Variants in NCK2 observed in about 807,000 individuals in gnomAD.
The protein encoded by NCK2 is cytoplasmic protein NCK2.
A neutral mutation model predicts 33.9 loss-of-function variants in NCK2; 16 were observed. The observed-to-expected ratio is 0.47, with a 90% CI of 0.32 to 0.72. The LOEUF (loss-of-function observed/expected upper bound fraction) is 0.72, where lower values mean the gene tolerates loss of function less well. Among genes scored for constraint, NCK2 ranks in the 30% least tolerant of loss-of-function variants. The pLI, the probability that NCK2 is intolerant of heterozygous loss-of-function variation, is 0.03. For missense variants in NCK2, 418 were observed against 537.3 expected, an observed-to-expected ratio of 0.78 and a Z score of 2.19; for synonymous variants, 273 against 239.9, an observed-to-expected ratio of 1.14 and a Z score of -1.27.
At chr2:105,762,218 C>T (rs868262257) in intron 1 of NCK2, among the ~76,000 whole-genome samples, 2 of 152,088 alleles carry the variant, frequency 1.3e-5, no homozygotes, top group African/African-American at 2.4e-5. Flanking sequence ...AGGTGATCTC[C>T]GAAGATTTCC....
At chr2:105,823,132 CTGTGTGTGTGTGTGTGTGTGTGTG>C (rs10610689) in intron 2 of NCK2, among the ~76,000 whole-genome samples, 1 of 148,632 alleles carries the variant, frequency 6.7e-6, no homozygotes, top group African/African-American at 2.5e-5. Flanking sequence ...TCCTCTCATG[CTGTGTGTGTGTGTGTGTGTGTGTG>C]TGTGTGTGTG....
intron 4 of NCK2, among the ~76,000 whole-genome samples, chr2:105,892,593 T>C (rs555311406): frequency 1.2e-5 from 1 of 86,740 alleles, no homozygotes; most frequent in Non-Finnish European, 2.2e-5. Context: ...CCGAGCAATT[T>C]GGAAGGCTGA....
At chr2:105,746,762 C>T (rs1011777617) in intron 1 of NCK2, among the ~76,000 whole-genome samples, 3 of 152,198 alleles carry the variant, frequency 2.0e-5, no homozygotes, top group African/African-American at 7.2e-5. Flanking sequence ...GAAAATCCTA[C>T]CTCAGTATAT....
At chr2:105,749,354 C>A (rs769978716) in intron 1 of NCK2, among the ~76,000 whole-genome samples, 2 of 152,220 alleles carry the variant, frequency 1.3e-5, no homozygotes, top group Non-Finnish European at 2.9e-5. Flanking sequence ...GCTTACGTTG[C>A]CAAATTGTTA....
chr2:105,805,555 TACTC>T (rs1167697721), intron 1 of NCK2, among the ~76,000 whole-genome samples: 2 of 152,198 alleles, frequency 1.3e-5, no homozygotes, highest in African/African-American at 4.8e-5. Flanking sequence ...TTCCCGAACT[TACTC>T]ATAACCAAAA....
intron 1 of NCK2, among the ~76,000 whole-genome samples, chr2:105,798,171 A>G (rs1336651552): frequency 6.6e-6 from 1 of 152,182 alleles, no homozygotes; most frequent in East Asian, 1.9e-4. Context: ...CGCTTGTTGT[A>G]ATGTTTGTTT....
chr2:105,772,402 G>T (rs1468028392), intron 1 of NCK2, among the ~76,000 whole-genome samples: 1 of 152,064 alleles, frequency 6.6e-6, no homozygotes, highest in Non-Finnish European at 1.5e-5. Flanking sequence ...TCCTTTCTTT[G>T]TTCCCGGGGA....
In NCK2 at chr2:105,799,315, A is replaced by C. The variant is rs117343449; in HGVS notation, c.-200-17115A>C. Among the ~76,000 whole-genome samples, 9 of 151,684 alleles carry C rather than the reference A, an allele frequency of 5.9e-5. No homozygotes were observed. In the South Asian group the frequency reaches 1.9e-3, roughly 32 times the overall value. ...TTCAGGGTTATAAAGGGTGTTTTCC[A>C]TATGTCCTTCTATACTTTTACTTTT... On this transcript the variant is annotated intron_variant, in intron 1 of 4. Transcript: ENST00000233154.
intron 3 of NCK2, among the ~76,000 whole-genome samples, chr2:105,860,407 A>G (rs1038828920): frequency 2.0e-5 from 3 of 152,250 alleles, no homozygotes; most frequent in Non-Finnish European, 4.4e-5. Context: ...CCCAGAGGTC[A>G]GGATGGACAG....
chr2:105,865,903 T>TATC (rs1291439717), intron 3 of NCK2, among the ~76,000 whole-genome samples: 1 of 56,660 alleles, frequency 1.8e-5, no homozygotes, highest in East Asian at 4.1e-4. Context: ...AAGACAGAGA[T>TATC]ATTATTATTA....
chr2:105,801,997 G>C (rs1674859409), intron 1 of NCK2, among the ~76,000 whole-genome samples: 1 of 152,144 alleles, frequency 6.6e-6, no homozygotes, highest in Non-Finnish European at 1.5e-5. Flanking sequence ...GCCATGCCCT[G>C]TCACCTGCTG....
At chr2:105,845,553 C>T (rs1230898473) in intron 2 of NCK2, among the ~76,000 whole-genome samples, 2 of 151,852 alleles carry the variant, frequency 1.3e-5, no homozygotes, top group Non-Finnish European at 2.9e-5. Context: ...ACCAGCATGC[C>T]CGGCTAATTT....
intron 3 of NCK2, among the ~76,000 whole-genome samples, chr2:105,874,094 C>T (rs980258499): frequency 6.6e-6 from 1 of 152,182 alleles, no homozygotes; most frequent in Non-Finnish European, 1.5e-5. Context: ...ACAATAGAAC[C>T]ATGACATTAA....
At chr2:105,796,470 G>A (rs1691085242) in intron 1 of NCK2, among the ~76,000 whole-genome samples, 1 of 152,174 alleles carries the variant, frequency 6.6e-6, no homozygotes, top group Admixed American at 6.6e-5. Flanking sequence ...TGGATGAATG[G>A]GGGCATTGGA....
At chr2:105,835,608 G>A (rs1455013423) in intron 2 of NCK2, among the ~76,000 whole-genome samples, 1 of 150,900 alleles carries the variant, frequency 6.6e-6, no homozygotes, top group East Asian at 1.9e-4. Context: ...ATGTGCCTTG[G>A]AGAGGACTTT....
At chr2:105,806,531 C>T (rs1675051370) in intron 1 of NCK2, among the ~76,000 whole-genome samples, 1 of 152,226 alleles carries the variant, frequency 6.6e-6, no homozygotes, top group Admixed American at 6.5e-5. Flanking sequence ...AGCCACCACT[C>T]CCGGCCACAT....
chr2:105,791,664 A>G (rs1008429342), intron 1 of NCK2, among the ~76,000 whole-genome samples: 1 of 152,190 alleles, frequency 6.6e-6, no homozygotes, highest in African/African-American at 2.4e-5. Context: ...GACCTCTTGA[A>G]GTGCTTGATA....
intron 2 of NCK2, among the ~76,000 whole-genome samples, chr2:105,819,326 TAAAAA>T (rs35497405): frequency 7.4e-6 from 1 of 136,030 alleles, no homozygotes; most frequent in African/African-American, 2.8e-5. Context: ...CCGTTTTCTT[TAAAAA>T]AAAAAAAAAA....
intron 1 of NCK2, among the ~76,000 whole-genome samples, chr2:105,814,933 G>A (rs367702463): frequency 4.6e-5 from 7 of 152,290 alleles, no homozygotes; most frequent in South Asian, 2.1e-4. Context: ...ACAACTTAAC[G>A]TTTATAATAG....
Sources: allele counts gnomAD v4.1 joint callset (sites outside exome capture counted in the v4.1 genomes callset), GRCh38; gene constraint gnomAD v4.1.1; transcripts MANE v1.5; gene names NCBI Gene and HGNC (gene_info 2026-07-23, HGNC 2026-07-21).